The following CHST15 variants were observed in gnomAD, a reference collection of about 807,000 sequenced individuals.
The protein encoded by CHST15 is B cell RAG associated protein (GALNAC4S-6ST).
Under a neutral mutation model 53.6 loss-of-function variants are expected in CHST15, and 30 were observed. The observed-to-expected ratio is 0.56, with a 90% confidence interval of 0.42 to 0.76. CHST15 has a LOEUF of 0.76. Ranked by LOEUF, CHST15 falls within the 30% of genes least tolerant of loss-of-function variation. The pLI, the probability that CHST15 is intolerant of heterozygous loss-of-function variation, is 0.00. For synonymous variants in CHST15, 296 were observed against 289.8 expected (o/e 1.02, Z -0.22); for missense variants, 627 against 740.5 (o/e 0.85, Z 1.78).
At chr10:124,045,126 A>AAAAAAAAAAAAAAAAAAAAAC (rs1947931594) in intron 2 of CHST15, among the ~76,000 whole-genome samples, 1 of 128,664 alleles carries the variant, frequency 7.8e-6, no homozygotes, top group Non-Finnish European at 1.6e-5. Context: ...AAAAAAAAAA[A>AAAAAAAAAAAAAAAAAAAAAC]AAAAAAAAAA....
intron 1 of CHST15, among the ~76,000 whole-genome samples, chr10:124,087,807 G>A (rs1205576665): frequency 6.8e-6 from 1 of 146,578 alleles, no homozygotes; most frequent in Non-Finnish European, 1.5e-5. Context: ...GTTCCACCTA[G>A]AGCCACGCGG....
intron 6 of CHST15, among the ~76,000 whole-genome samples, chr10:124,015,957 C>T (rs193280166): frequency 6.6e-6 from 1 of 152,316 alleles, no homozygotes; most frequent in Admixed American, 6.5e-5. Flanking sequence ...ACCCCACAAA[C>T]ACCCACCTGG....
intron 1 of CHST15, among the ~76,000 whole-genome samples, chr10:124,087,655 T>C (rs1949472125): frequency 6.6e-6 from 1 of 152,166 alleles, no homozygotes; most frequent in Admixed American, 6.5e-5. Context: ...CCACGATAAG[T>C]TCTAGAAATG....
At chr10:124,020,402 C>T (rs533963687) in intron 6 of CHST15, 2 of 985,372 alleles carry the variant, frequency 2.0e-6, no homozygotes, top group African/African-American at 1.7e-5. Context: ...ATCTTCCTTG[C>T]CAAACTACAA....
intron 1 of CHST15, among the ~76,000 whole-genome samples, chr10:124,048,771 A>G (rs928787404): frequency 1.3e-5 from 2 of 152,208 alleles, no homozygotes; most frequent in African/African-American, 4.8e-5. Context: ...ATCGAATTAG[A>G]TTCTTTAAAA....
intron 3 of CHST15, 53 bp from the exon 4 acceptor site, chr10:124,042,500 G>A: frequency 6.3e-7 from 1 of 1,590,220 alleles, no homozygotes; most frequent in Non-Finnish European, 8.6e-7. Context: ...TACTGCTGGA[G>A]CGATGGCCTC....
chr10:124,015,653 A>G (rs1010824328), intron 6 of CHST15, among the ~76,000 whole-genome samples: 3 of 152,164 alleles, frequency 2.0e-5, no homozygotes, highest in Admixed American at 2.0e-4. Context: ...CCATTCATTC[A>G]TTTGGCAAAT....
At chr10:124,084,940 A>C (rs1590375014) in intron 1 of CHST15, among the ~76,000 whole-genome samples, 1 of 152,212 alleles carries the variant, frequency 6.6e-6, no homozygotes, top group African/African-American at 2.4e-5. Flanking sequence ...AGGCAGAACC[A>C]TCAGAAGTGT....
At chr10:124,090,934 C>T (rs1949584633) in intron 1 of CHST15, among the ~76,000 whole-genome samples, 1 of 152,228 alleles carries the variant, frequency 6.6e-6, no homozygotes. Context: ...GCCGCAAAGA[C>T]AGGGTTGGAC....
At chr10:124,092,499 G>A (rs1949635524) in intron 1 of CHST15, 1 of 152,028 alleles carries the variant, frequency 6.6e-6, no homozygotes, top group Non-Finnish European at 1.5e-5. Flanking sequence ...AGGGGGCGGG[G>A]AGCAAAAGTT....
chr10:124,043,898 A>G (rs1373256736), intron 3 of CHST15, among the ~76,000 whole-genome samples: 2 of 146,568 alleles, frequency 1.4e-5, no homozygotes, highest in Non-Finnish European at 2.9e-5. Flanking sequence ...GGAACAGCAC[A>G]GAGCAGGGGA....
chr10:124,035,977 C>T (rs1169435880), intron 5 of CHST15, among the ~76,000 whole-genome samples: 1 of 152,240 alleles, frequency 6.6e-6, no homozygotes, highest in Non-Finnish European at 1.5e-5. Context: ...GATGGGCCCC[C>T]ACCTCTCTGT....
chr10:124,026,703 G>A (rs781177741), intron 5 of CHST15, among the ~76,000 whole-genome samples: 29 of 152,180 alleles, frequency 1.9e-4, no homozygotes, highest in Non-Finnish European at 3.7e-4. Context: ...GGAGCCAGGC[G>A]ACAGGCAGCT....
intron 1 of CHST15, among the ~76,000 whole-genome samples, chr10:124,072,336 C>G (rs1208793337): frequency 6.6e-6 from 1 of 152,160 alleles, no homozygotes; most frequent in Non-Finnish European, 1.5e-5. Context: ...GTTGGGGAGA[C>G]CAGCACACCT....
intron 1 of CHST15, among the ~76,000 whole-genome samples, chr10:124,079,144 CTT>C (rs1279889599): frequency 6.6e-6 from 1 of 152,146 alleles, no homozygotes; most frequent in Non-Finnish European, 1.5e-5. Context: ...TTTCTTTTAT[CTT>C]TCCATTTATT....
chr10:124,013,353 C>T (rs1946478355), intron 6 of CHST15, among the ~76,000 whole-genome samples: 1 of 152,260 alleles, frequency 6.6e-6, no homozygotes, highest in African/African-American at 2.4e-5. Flanking sequence ...AGGCCTGGAC[C>T]CCCAAGGCTT....
In CHST15 at chr10:124,019,664, G is replaced by T; in HGVS notation, c.1347+1592C>A. On this transcript the variant is annotated intron_variant, in intron 6 of 7. Coordinates refer to ENST00000435907, the MANE Select transcript of CHST15 (RefSeq NM_001270764.2). The surrounding 1 kb of genome is among the most constrained non-coding windows in gnomAD (Gnocchi z 4.6). The stretch of plus-strand genomic sequence containing the variant: ...TAAACAAGTATGTGTGCTTTCTCGC[G>T]TTAGTCTTTTATTATAGGTGCCTCA... 1 of 562,706 alleles carries T rather than the reference G, an allele frequency of 1.8e-6. No homozygotes were observed. The highest frequency in any genetic ancestry group is 2.3e-6 in the Non-Finnish European group (1 of 443,382). The allele number at this position is 562,706 out of a possible 1,614,324, so 34.9% of individuals were successfully genotyped here.
intron 1 of CHST15, among the ~76,000 whole-genome samples, chr10:124,078,581 C>T (rs762781385): frequency 2.6e-5 from 4 of 152,144 alleles, no homozygotes; most frequent in East Asian, 1.9e-4. Flanking sequence ...CCATCAGAGA[C>T]GATGCACCCA....
chr10:124,057,840 G>A lies in CHST15; in HGVS notation c.-512-11116C>T, dbSNP rs537577907. On this transcript the variant is annotated intron_variant, in intron 1 of 7. Coordinates refer to ENST00000435907, the MANE Select transcript of CHST15 (RefSeq NM_001270764.2). ...TAGGGTAATCAGCTCCACCTCCCTT[G>A]TGCAACCACCCGAGATATGGGCCAA... Among the ~76,000 whole-genome samples, 6 of 152,176 alleles carry A rather than the reference G, an allele frequency of 3.9e-5. No homozygotes were observed. The East Asian group carries it at 9.7e-4, about 25-fold the overall frequency.
Sources: gnomAD v4.1 joint callset for allele counts (sites outside exome capture counted in the v4.1 genomes callset) on GRCh38, gnomAD v4.1.1 for gene constraint, Gnocchi (gnomAD v3.1) non-coding constraint, MANE v1.5 for transcripts, NCBI Gene and HGNC (gene_info 2026-07-23, HGNC 2026-07-21) for gene names.